The following SLC25A48 variants were observed in gnomAD, a reference collection of about 807,000 sequenced individuals.
SLC25A48 encodes the protein CTC-321K16.1.
SLC25A48 carries 29 observed loss-of-function variants against 32.2 expected under a neutral mutation model. The observed-to-expected ratio is 0.90, with a 90% CI of 0.67 to 1.23. The LOEUF (loss-of-function observed/expected upper bound fraction) is 1.23, where lower values mean the gene tolerates loss of function less well. Ranked by LOEUF, SLC25A48 falls within the 50% of genes most tolerant of loss-of-function variation. The pLI is 0.00. For missense variants in SLC25A48, 399 were observed against 422.7 expected (o/e 0.94, Z 0.49); for synonymous variants, 164 against 172.3 (o/e 0.95, Z 0.38).
At chr5:135,750,697 C>G (rs1454105036) in intron 3 of SLC25A48, among the ~76,000 whole-genome samples, 2 of 152,108 alleles carry the variant, frequency 1.3e-5, no homozygotes, top group Non-Finnish European at 2.9e-5. Context: ...AGCTGCGCCC[C>G]CAGGTGGTAG....
rs1257254331 is a variant in SLC25A48 at position 135,871,571 on chromosome 5, T to C, written c.532T>C (p.Tyr178His). The C allele has an allele frequency of 6.2e-7, 1 of 1,614,072 alleles. No individual in the cohort carries two copies. Among genetic ancestry groups the C allele is most frequent in the Non-Finnish European group, 8.5e-7 (1 of 1,180,034 alleles). Residue 178 changes from tyrosine (Y) to histidine (H), a missense_variant, in exon 5 of 8, where the codon TAC becomes CAC. Transcript: ENST00000681962. ...IVRNEGLAGL[Y>H]RGASAMLLRD... ...GAGGAATGAGGGCCTGGCGGGGCTA[T>C]ACCGGGGGGCCAGTGCCATGCTGCT... is the stretch of plus-strand genomic sequence containing the variant.
chr5:135,747,257 T>A (rs1755662922), intron 3 of SLC25A48, among the ~76,000 whole-genome samples: 1 of 151,816 alleles, frequency 6.6e-6, no homozygotes, highest in Admixed American at 6.6e-5. Flanking sequence ...CAGTTTCATA[T>A]ATGATATCTA....
chr5:135,758,918 A>T (rs1005422399), intron 3 of SLC25A48, among the ~76,000 whole-genome samples: 2 of 150,996 alleles, frequency 1.3e-5, no homozygotes, highest in African/African-American at 4.8e-5. Context: ...AAATAATATT[A>T]AGTGTTAACA....
chr5:135,663,839 C>A (rs1422756791), intron 3 of SLC25A48, among the ~76,000 whole-genome samples: 1 of 152,188 alleles, frequency 6.6e-6, no homozygotes, highest in African/African-American at 2.4e-5. Flanking sequence ...AAAAAAATCT[C>A]ATGACAGACA....
chr5:135,654,113 C>A (rs1753185156), intron 3 of SLC25A48, among the ~76,000 whole-genome samples: 1 of 152,152 alleles, frequency 6.6e-6, no homozygotes, highest in African/African-American at 2.4e-5. Context: ...AAATGGGCAA[C>A]CGTCTAGGGA....
At chr5:135,875,931 C>T (rs930905480) in intron 6 of SLC25A48, 4 of 152,036 alleles carry the variant, frequency 2.6e-5, no homozygotes, top group African/African-American at 9.7e-5. Context: ...GAAGCTGGAC[C>T]CTGGTTAGTA....
At chr5:135,762,780 TG>T (rs1437733487) in intron 3 of SLC25A48, among the ~76,000 whole-genome samples, 1 of 151,648 alleles carries the variant, frequency 6.6e-6, no homozygotes, top group African/African-American at 2.4e-5. Flanking sequence ...GGTTAGAGGA[TG>T]GGTGTGTGAG....
chr5:135,751,526 T>C (rs1182352325), intron 3 of SLC25A48, among the ~76,000 whole-genome samples: 3 of 152,144 alleles, frequency 2.0e-5, no homozygotes, highest in African/African-American at 7.2e-5. Context: ...TCTGCCAACT[T>C]TTCATTGGCT....
At chr5:135,585,785 T>TAATAATAATAATAAA (rs1561746120) in intron 1 of SLC25A48, among the ~76,000 whole-genome samples, 1 of 151,964 alleles carries the variant, frequency 6.6e-6, no homozygotes, top group East Asian at 1.9e-4. Flanking sequence ...ATAATAATAA[T>TAATAATAATAATAAA]AAATAATCAG....
At chr5:135,798,591 G>A (rs1018858026) in intron 3 of SLC25A48, among the ~76,000 whole-genome samples, 1 of 151,428 alleles carries the variant, frequency 6.6e-6, no homozygotes, top group Non-Finnish European at 1.5e-5. Flanking sequence ...GTGGACAGAC[G>A]AAGGTATTAT....
chr5:135,769,889 T>C (rs4510574), intron 3 of SLC25A48, among the ~76,000 whole-genome samples: 46,462 of 151,046 alleles, frequency 0.31, 7,338 homozygotes, highest in East Asian at 0.46. Flanking sequence ...CTCCCAATAT[T>C]GCAGGGGGTG....
intron 3 of SLC25A48, among the ~76,000 whole-genome samples, chr5:135,718,598 TATG>T (rs1754873268): frequency 6.6e-6 from 1 of 152,244 alleles, no homozygotes; most frequent in Non-Finnish European, 1.5e-5. Context: ...TTTTTATTAT[TATG>T]ATGATTCTAA....
intron 1 of SLC25A48, among the ~76,000 whole-genome samples, chr5:135,594,089 G>C (rs943269874): frequency 2.0e-5 from 3 of 152,242 alleles, no homozygotes; most frequent in Admixed American, 6.5e-5. Flanking sequence ...ACAAGGCTTA[G>C]TCAGGAGCAA....
chr5:135,637,252 T>A (rs1752725581), intron 3 of SLC25A48, among the ~76,000 whole-genome samples: 1 of 152,118 alleles, frequency 6.6e-6, no homozygotes, highest in African/African-American at 2.4e-5. Flanking sequence ...CCTGCTGGAG[T>A]TGAACCAGAG....
chr5:135,599,813 G>A (rs986214137), intron 1 of SLC25A48, among the ~76,000 whole-genome samples: 3 of 152,186 alleles, frequency 2.0e-5, no homozygotes, highest in South Asian at 2.1e-4. Context: ...GCATGCAGGA[G>A]GAGCAGCCTC....
intron 3 of SLC25A48, among the ~76,000 whole-genome samples, chr5:135,777,837 C>T (rs893395895): frequency 6.6e-6 from 1 of 151,058 alleles, no homozygotes; most frequent in African/African-American, 2.4e-5. Context: ...GCTGTACACC[C>T]ACACTGTGAT....
At chr5:135,886,638 AAATAT>A (rs1561567819) in intron 7 of SLC25A48, among the ~76,000 whole-genome samples, 567 of 29,016 alleles carry the variant, frequency 0.02, 54 homozygotes, top group African/African-American at 0.095. Context: ...TATATATATA[AAATAT>A]ATATATGTGT....
intron 1 of SLC25A48, among the ~76,000 whole-genome samples, chr5:135,625,152 G>C (rs1752415954): frequency 6.6e-6 from 1 of 152,128 alleles, no homozygotes; most frequent in Non-Finnish European, 1.5e-5. Flanking sequence ...TGATAGGTGA[G>C]GGTGAGATGA....
chr5:135,882,419 AGAGT>A (rs1762540130), intron 7 of SLC25A48, among the ~76,000 whole-genome samples: 1 of 152,182 alleles, frequency 6.6e-6, no homozygotes, highest in Non-Finnish European at 1.5e-5. Flanking sequence ...GACCCAGGAC[AGAGT>A]GAGATGATGT....
Sources: allele counts gnomAD v4.1 joint callset (sites outside exome capture counted in the v4.1 genomes callset), GRCh38; gene constraint gnomAD v4.1.1; transcripts MANE v1.5; gene names NCBI Gene and HGNC (gene_info 2026-07-23, HGNC 2026-07-21).